The following CUX2 variants were observed in gnomAD, a reference collection of about 807,000 sequenced individuals.
CUX2 encodes the protein homeobox protein cut-like 2.
Under a neutral mutation model 144.8 loss-of-function variants are expected in CUX2, and 40 were observed. The observed-to-expected ratio is 0.28, with a 90% CI of 0.21 to 0.36. The LOEUF is 0.36. Ranked by LOEUF, CUX2 falls within the 10% of genes least tolerant of loss-of-function variation. The pLI is 1.00. For missense variants in CUX2, 1,615 were observed against 1,994.0 expected, an observed-to-expected ratio of 0.81 and a Z score of 3.62; for synonymous variants, 827 against 875.6, an observed-to-expected ratio of 0.94 and a Z score of 0.98.
chr12:111,308,797 C>T (rs1886729546), intron 14 of CUX2, among the ~76,000 whole-genome samples: 1 of 152,202 alleles, frequency 6.6e-6, no homozygotes, highest in African/African-American at 2.4e-5. Context: ...GCTGCAGCGG[C>T]TTTCATGAAG....
chr12:111,292,571 CAG>C (rs1192146496), intron 5 of CUX2, among the ~76,000 whole-genome samples: 1 of 152,032 alleles, frequency 6.6e-6, no homozygotes, highest in African/African-American at 2.4e-5. Context: ...GCCTGGGTGA[CAG>C]AGCAAGACTC....
In CUX2 at chr12:111,246,096, C is replaced by A. The variant is rs909575612; in HGVS notation, c.223-17665C>A. On this transcript the variant is annotated intron_variant, in intron 3 of 21. Coordinates refer to ENST00000261726, the MANE Select transcript of CUX2 (RefSeq NM_015267.4). The surrounding 1 kb of genome is among the most constrained non-coding windows in gnomAD (Gnocchi z 4.0). ...TGTCTCCCGATCCCTACTCTGCCAGCTTTCCTAGCTGCATGACCCGGGGCA... is the reference window on the plus strand; with the variant it reads ...TGTCTCCCGATCCCTACTCTGCCAGATTTCCTAGCTGCATGACCCGGGGCA... Among the ~76,000 whole-genome samples, 14 of 152,178 alleles carry A rather than the reference C, an allele frequency of 9.2e-5. No individual in the cohort carries two copies. The highest frequency in any genetic ancestry group is 1.8e-4 in the Non-Finnish European group (12 of 68,032).
intron 1 of CUX2, among the ~76,000 whole-genome samples, chr12:111,046,397 A>T (rs905252706): frequency 2.0e-5 from 3 of 152,204 alleles, no homozygotes; most frequent in Non-Finnish European, 1.5e-5. Context: ...CAGCAACTTT[A>T]TGAAGGGAAA....
At chr12:111,323,198 G>A (rs531843536) in intron 18 of CUX2, among the ~76,000 whole-genome samples, 32 of 152,216 alleles carry the variant, frequency 2.1e-4, no homozygotes, top group East Asian at 5.8e-4. Context: ...ATGAGGGCAC[G>A]TGACTGCAAG....
chr12:111,318,821 C>T (rs1364069550), intron 16 of CUX2, among the ~76,000 whole-genome samples: 4 of 151,766 alleles, frequency 2.6e-5, no homozygotes, highest in South Asian at 2.1e-4. Flanking sequence ...TGAGCCACCA[C>T]GCCTGGCTAA....
Position 111,304,242 on chromosome 12 carries a change from T to G in CUX2, c.786T>G (p.Ser262Arg). The G allele has an allele frequency of 6.2e-7, 1 of 1,613,776 alleles. No individual in the cohort carries two copies. The highest frequency in any genetic ancestry group is 1.1e-5 in the South Asian group (1 of 90,956). ...RAEAAQREVE[S>R]LREQLASVNS... ...AGGCTGCCCAGCGGGAGGTGGAAAGTCTCCGGGAACAGCTGGCCTCTGTCA... is the reference window on the plus strand; with the variant it reads ...AGGCTGCCCAGCGGGAGGTGGAAAGGCTCCGGGAACAGCTGGCCTCTGTCA... The change falls in exon 10 of 22, where the codon AGT becomes AGG. Residue 262 changes from serine (S) to arginine (R), a missense_variant. Ser to Arg is a moderately radical substitution (Grantham distance 110). This residue lies in a region of CUX2 where 295 missense variants were observed against 400.2 expected (regional missense o/e 0.74). Transcript: ENST00000261726. This position sits in a 1 kb window ranked among gnomAD's most constrained non-coding sequence, Gnocchi z 4.7.
chr12:111,296,787 C>T (rs1204390986), intron 8 of CUX2, among the ~76,000 whole-genome samples: 1 of 50,014 alleles, frequency 2.0e-5, no homozygotes, highest in Non-Finnish European at 3.6e-5. Flanking sequence ...ATCCCAGACA[C>T]GCCTCCACCC....
At chr12:111,201,097 G>T (rs1471665990) in intron 1 of CUX2, among the ~76,000 whole-genome samples, 4 of 151,510 alleles carry the variant, frequency 2.6e-5, no homozygotes, top group Non-Finnish European at 5.9e-5. Context: ...CTCGTTTGAG[G>T]GCCTCCCCTC....
At position 111,277,139 on chromosome 12, in the gene CUX2, G is replaced by A. The variant is rs1173079557; in HGVS notation, c.301+13300G>A. On this transcript the variant is annotated intron_variant, in intron 4 of 21. Coordinates refer to ENST00000261726, the MANE Select transcript of CUX2 (RefSeq NM_015267.4). The surrounding 1 kb of genome is among the most constrained non-coding windows in gnomAD (Gnocchi z 5.0). ...TGCCCCAGGATGAATGGTTGCTGGA[G>A]TTTGAGGGATGAAGCCCAGAAACTC... 6.6e-6 allele frequency among the ~76,000 whole-genome samples: 1 copy of A among 152,088 alleles called. No individual in the cohort carries two copies. Among genetic ancestry groups the A allele is most frequent in the Non-Finnish European group, 1.5e-5 (1 of 68,038 alleles).
At position 111,059,158 on chromosome 12, in the gene CUX2, C is replaced by T. The variant is rs956462773; in HGVS notation, c.63+24918C>T. 5.3e-5 allele frequency among the ~76,000 whole-genome samples: 8 copies of T among 152,302 alleles called. No individual in the cohort carries two copies. The highest frequency in any genetic ancestry group is 1.3e-4 in the Admixed American group (2 of 15,302). On this transcript the variant is annotated intron_variant, in intron 1 of 21. Transcript: ENST00000261726. The surrounding 1 kb of genome is among the most constrained non-coding windows in gnomAD (Gnocchi z 5.3). ...GGTACCAGCCTCATTTTCCAGCCCT[C>T]ACTCAAAATGGAGTCGCTCTGGTTC...
intron 3 of CUX2, among the ~76,000 whole-genome samples, chr12:111,253,991 A>G (rs968205241): frequency 1.3e-5 from 2 of 152,096 alleles, no homozygotes; most frequent in Admixed American, 6.5e-5. Flanking sequence ...CAGCCTCCCA[A>G]GGTACTGGGA....
intron 1 of CUX2, among the ~76,000 whole-genome samples, chr12:111,067,021 C>T (rs1370828350): frequency 1.3e-5 from 2 of 152,162 alleles, no homozygotes; most frequent in African/African-American, 4.8e-5. Flanking sequence ...TCATGATAAC[C>T]GACTTGGAGA....
intron 1 of CUX2, among the ~76,000 whole-genome samples, chr12:111,067,830 C>T (rs1830665854): frequency 6.6e-6 from 1 of 152,144 alleles, no homozygotes; most frequent in African/African-American, 2.4e-5. Flanking sequence ...CAGAACTCCA[C>T]CACCCTTGGG....
chr12:111,293,646 C>A lies in CUX2; in HGVS notation c.560+77C>A. 6.7e-7 allele frequency: 1 copy of A among 1,501,302 alleles called. No individual in the cohort carries two copies. The highest frequency in any genetic ancestry group is 8.9e-7 in the Non-Finnish European group (1 of 1,119,900). The allele number at this position is 1,501,302 out of a possible 1,614,324, so 93.0% of individuals were successfully genotyped here. A position where few individuals can be genotyped will look rare whatever the true frequency, so the allele number is the denominator to read the frequency against. ...CTGCCCCACCTGGCTGGGTCGTGGA[C>A]GGGGAAAGTCTCCTACCAGAATCCA... On this transcript the variant is annotated intron_variant, in intron 6 of 21. Transcript: ENST00000261726. The surrounding 1 kb of genome is among the most constrained non-coding windows in gnomAD (Gnocchi z 4.5).
At chr12:111,108,334 A>G (rs550466781) in intron 1 of CUX2, among the ~76,000 whole-genome samples, 8 of 152,100 alleles carry the variant, frequency 5.3e-5, no homozygotes, top group Non-Finnish European at 1.0e-4. Flanking sequence ...TCCCTTTGTA[A>G]CTAATAAGTG....
intron 3 of CUX2, among the ~76,000 whole-genome samples, chr12:111,262,871 A>G (rs1884195773): frequency 6.6e-6 from 1 of 152,186 alleles, no homozygotes; most frequent in Non-Finnish European, 1.5e-5. Context: ...AACATGTATC[A>G]TATTTGAACT....
intron 1 of CUX2, among the ~76,000 whole-genome samples, chr12:111,063,078 C>A (rs568073981): frequency 2.0e-5 from 3 of 152,118 alleles, no homozygotes; most frequent in Non-Finnish European, 2.9e-5. Context: ...GGAGACCTGG[C>A]CAGACAAGGA....
intron 1 of CUX2, among the ~76,000 whole-genome samples, chr12:111,151,806 G>C (rs1340065271): frequency 2.6e-5 from 4 of 152,164 alleles, no homozygotes; most frequent in Non-Finnish European, 5.9e-5. Context: ...CAGTCTGATG[G>C]TTCGGGCATC....
intron 1 of CUX2, among the ~76,000 whole-genome samples, chr12:111,155,026 A>G (rs1294196894): frequency 6.6e-6 from 1 of 152,184 alleles, no homozygotes; most frequent in African/African-American, 2.4e-5. Flanking sequence ...CATCTGTATG[A>G]TGGGAATAAG....
Sources: gnomAD v4.1 joint callset for allele counts (sites outside exome capture counted in the v4.1 genomes callset) on GRCh38, gnomAD v4.1.1 for gene constraint, gnomAD v4.1.1 regional missense constraint, Gnocchi (gnomAD v3.1) non-coding constraint, MANE v1.5 for transcripts, NCBI Gene and HGNC (gene_info 2026-07-23, HGNC 2026-07-21) for gene names.